Variants in TMEM132C observed in about 807,000 individuals in gnomAD.
TMEM132C encodes transmembrane protein 132C.
TMEM132C carries 29 observed loss-of-function variants against 61.4 expected under a neutral mutation model. The ratio of observed to expected loss-of-function variants is 0.47; its 90% CI spans 0.35 to 0.64. The LOEUF (loss-of-function observed/expected upper bound fraction) is 0.64. Ranked by LOEUF, TMEM132C falls within the 30% of genes least tolerant of loss-of-function variation. The probability of loss-of-function intolerance (pLI) is 0.00; values close to 1 mark genes in which losing one functional copy is unlikely to be tolerated. For missense variants in TMEM132C, 1,408 were observed against 1,476.9 expected (o/e 0.95, Z 0.76); for synonymous variants, 656 against 633.1 (o/e 1.04, Z -0.54).
rs576763162 is a variant in TMEM132C, at chr12:128,522,791, G to A, written c.975-21166G>A. On this transcript the variant is annotated intron_variant, in intron 2 of 8. Transcript: ENST00000435159. The stretch of plus-strand genomic sequence containing the variant: ...TATTATTATTATTAGCATTGATGCC[G>A]AAGGTGTCCTTGGTATTAAATAGGC... Among the ~76,000 whole-genome samples, 3 of 152,236 alleles carry A rather than the reference G, an allele frequency of 2.0e-5. No individual in the cohort carries two copies. In the East Asian group the frequency reaches 5.8e-4, roughly 29 times the overall value.
intron 2 of TMEM132C, among the ~76,000 whole-genome samples, chr12:128,466,043 C>A (rs573693876): frequency 0.051 from 7,693 of 151,842 alleles, 651 homozygotes; most frequent in African/African-American, 0.17. Flanking sequence ...AAATTAATGC[C>A]AAAAAAACCC....
chr12:128,547,665 G>A (rs1414684813), intron 3 of TMEM132C, among the ~76,000 whole-genome samples: 1 of 151,922 alleles, frequency 6.6e-6, no homozygotes, highest in Non-Finnish European at 1.5e-5. Context: ...TTCAGATCTT[G>A]GCCACATCCC....
chr12:128,686,888 G>C (rs1309405149), intron 5 of TMEM132C, among the ~76,000 whole-genome samples: 2 of 152,052 alleles, frequency 1.3e-5, no homozygotes, highest in East Asian at 1.9e-4. Context: ...AGGTTCGGGG[G>C]AGTTGCCATT....
chr12:128,505,165 G>A (rs964142513), intron 2 of TMEM132C, among the ~76,000 whole-genome samples: 2 of 152,164 alleles, frequency 1.3e-5, no homozygotes, highest in Admixed American at 6.5e-5. Context: ...TTGGGAAGGA[G>A]ATGGTTGGCT....
At chr12:128,460,650 C>T (rs998756035) in intron 2 of TMEM132C, among the ~76,000 whole-genome samples, 2 of 151,970 alleles carry the variant, frequency 1.3e-5, no homozygotes, top group South Asian at 4.1e-4. Context: ...GGAGAATGGG[C>T]GTTGGACAAG....
chr12:128,412,441 G>A (rs1868592558), intron 1 of TMEM132C, among the ~76,000 whole-genome samples: 1 of 152,072 alleles, frequency 6.6e-6, no homozygotes, highest in Non-Finnish European at 1.5e-5. Context: ...CTATGGTTTG[G>A]TTCTGTCCCC....
At chr12:128,573,896 A>AT (rs2136174428) in intron 3 of TMEM132C, among the ~76,000 whole-genome samples, 2 of 50,768 alleles carry the variant, frequency 3.9e-5, no homozygotes, top group South Asian at 2.6e-3. Context: ...CTTTTTTGCA[A>AT]TCAAAAAAAA....
chr12:128,704,355 G>T (rs929307708), intron 8 of TMEM132C, among the ~76,000 whole-genome samples: 1 of 152,002 alleles, frequency 6.6e-6, no homozygotes, highest in African/African-American at 2.4e-5. Flanking sequence ...CTTCACACTG[G>T]CCCTTTGCTT....
At chr12:128,374,036 C>T (rs1247975848) in intron 1 of TMEM132C, among the ~76,000 whole-genome samples, 1 of 152,174 alleles carries the variant, frequency 6.6e-6, no homozygotes, top group Non-Finnish European at 1.5e-5. Context: ...TTAACTTTCT[C>T]CTCTATTGAA....
At chr12:128,268,889 GGGGGGAAGAAGGAGTGAGAGAAGA>G in intron 1 of TMEM132C, among the ~76,000 whole-genome samples, 1 of 94,920 alleles carries the variant, frequency 1.1e-5, no homozygotes, top group African/African-American at 3.9e-5. Flanking sequence ...GTGAGAGAGG[GGGGGGAAGAAGGAGTGAGAGAAGA>G]GGGAAAGAGA....
chr12:128,677,291 C>T (rs967814189), intron 5 of TMEM132C, among the ~76,000 whole-genome samples: 3 of 152,076 alleles, frequency 2.0e-5, no homozygotes, highest in East Asian at 3.9e-4. Flanking sequence ...ACAGATGTGC[C>T]GGCCATTTTC....
chr12:128,637,209 T>C (rs1954111197), intron 4 of TMEM132C, among the ~76,000 whole-genome samples: 1 of 152,202 alleles, frequency 6.6e-6, no homozygotes, highest in Admixed American at 6.5e-5. Context: ...TCCAAGAGGA[T>C]TGTGAGAAAT....
intron 1 of TMEM132C, among the ~76,000 whole-genome samples, chr12:128,280,957 T>C (rs1450469542): frequency 6.6e-6 from 1 of 152,116 alleles, no homozygotes; most frequent in African/African-American, 2.4e-5. Flanking sequence ...AATGTGGGTG[T>C]TGTTACCCAC....
chr12:128,593,065 TTCCTTTCTC>T (rs1875812855), intron 3 of TMEM132C, among the ~76,000 whole-genome samples: 1 of 106,990 alleles, frequency 9.3e-6, no homozygotes, highest in Non-Finnish European at 2.0e-5. Context: ...TTCTCTTTCT[TTCCTTTCTC>T]ATCTTCCTTC....
At chr12:128,490,071 A>G (rs1593071994) in intron 2 of TMEM132C, among the ~76,000 whole-genome samples, 1 of 152,120 alleles carries the variant, frequency 6.6e-6, no homozygotes, top group African/African-American at 2.4e-5. Context: ...CTGAATTCCA[A>G]TTGAAGGGAC....
chr12:128,584,727 A>G (rs1007457162), intron 3 of TMEM132C, among the ~76,000 whole-genome samples: 2 of 152,194 alleles, frequency 1.3e-5, no homozygotes, highest in African/African-American at 2.4e-5. Context: ...CAGAAAGTCC[A>G]CATGGCCCCA....
At position 128,358,464 on chromosome 12, in the gene TMEM132C, A is replaced by G. The variant is rs1388458985; in HGVS notation, c.86-56268A>G. On this transcript the variant is annotated intron_variant, in intron 1 of 8. Transcript: ENST00000435159. ...CAGTAGCAAATACTATGAAGCAGTT[A>G]TCAGAAGATGCCATGACCACTTTTA... Among the ~76,000 whole-genome samples, 3 of 150,978 alleles carry G rather than the reference A, an allele frequency of 2.0e-5. No homozygotes were observed. The East Asian group carries it at 5.9e-4, about 30-fold the overall frequency.
At chr12:128,697,079 C>T (rs1179621806) in intron 7 of TMEM132C, 145 bp from the exon 8 acceptor site, 12 of 604,534 alleles carry the variant, frequency 2.0e-5, no homozygotes, top group South Asian at 7.0e-5. Context: ...GATGGGCCAG[C>T]ATATAGAGTG....
intron 1 of TMEM132C, among the ~76,000 whole-genome samples, chr12:128,387,547 C>G (rs1874625953): frequency 6.6e-6 from 1 of 152,300 alleles, no homozygotes; most frequent in East Asian, 1.9e-4. Context: ...CACGGTGGCT[C>G]ACACCTGTAA....
Sources: gnomAD v4.1 joint callset for allele counts (sites outside exome capture counted in the v4.1 genomes callset) on GRCh38, gnomAD v4.1.1 for gene constraint, MANE v1.5 for transcripts, NCBI Gene and HGNC (gene_info 2026-07-23, HGNC 2026-07-21) for gene names.